ENTHD1: variants seen among roughly 807,000 people sequenced by gnomAD.
ENTHD1 encodes the protein ENTH domain containing 1.
A neutral mutation model predicts 39.1 loss-of-function variants in ENTHD1; 23 were observed. The ratio of observed to expected loss-of-function variants is 0.59; its 90% CI spans 0.42 to 0.83. The LOEUF (loss-of-function observed/expected upper bound fraction) is 0.83. Among genes scored for constraint, ENTHD1 ranks in the 40% least tolerant of loss-of-function variants. The probability of loss-of-function intolerance (pLI) is 0.00; values close to 1 mark genes in which losing one functional copy is unlikely to be tolerated. For missense variants in ENTHD1, 624 were observed against 705.4 expected (o/e 0.88, Z 1.31); for synonymous variants, 230 against 258.2 (o/e 0.89, Z 1.05).
chr22:39,767,908 C>A (rs919629950), intron 5 of ENTHD1, among the ~76,000 whole-genome samples: 1 of 152,142 alleles, frequency 6.6e-6, no homozygotes, highest in South Asian at 2.1e-4. Context: ...CTACCCACCC[C>A]CTTTCCCAAT....
At chr22:39,805,514 C>T (rs888806667) in intron 5 of ENTHD1, among the ~76,000 whole-genome samples, 15 of 152,244 alleles carry the variant, frequency 9.9e-5, no homozygotes, top group East Asian at 5.8e-4. Context: ...GTGCTGCTAA[C>T]GTATCAATTA....
chr22:39,807,911 GTGTA>G (rs1285953099), intron 5 of ENTHD1, among the ~76,000 whole-genome samples: 1 of 151,468 alleles, frequency 6.6e-6, no homozygotes, highest in Non-Finnish European at 1.5e-5. Flanking sequence ...GTGTGTGTGT[GTGTA>G]TATATATACT....
rs143867722 is a variant in ENTHD1, at chr22:39,758,894, A to G, written c.1219+6329T>C. ...TTATCATTTCCATCTGATTCTGTTAATATGGTAGATTACAGTTACAGATTT... is the reference window on the plus strand; with the variant it reads ...TTATCATTTCCATCTGATTCTGTTAGTATGGTAGATTACAGTTACAGATTT... On this transcript the variant is annotated intron_variant, in intron 6 of 6. Transcript: ENST00000325157. 1.2e-3 allele frequency among the ~76,000 whole-genome samples: 186 copies of G among 152,346 alleles called. 1 individual carries two copies. The highest frequency in any genetic ancestry group is 4.0e-3 in the African/African-American group (167 of 41,576).
chr22:39,743,590 G>A lies in ENTHD1; in HGVS notation c.*89C>T. 7.3e-7 allele frequency: 1 copy of A among 1,376,010 alleles called. No individual in the cohort carries two copies. Among genetic ancestry groups the A allele is most frequent in the Non-Finnish European group, 9.5e-7 (1 of 1,050,594 alleles). The allele number at this position is 1,376,010 out of a possible 1,614,324, so 85.2% of individuals were successfully genotyped here. On this transcript the variant is annotated 3_prime_UTR_variant, in exon 7 of 7. Coordinates refer to ENST00000325157, the MANE Select transcript of ENTHD1 (RefSeq NM_152512.4). ...GAAAAATTAAACCATCCCCTTTTTTGCCATAATAATATGAATTTATACAAT... is the reference window on the plus strand; with the variant it reads ...GAAAAATTAAACCATCCCCTTTTTTACCATAATAATATGAATTTATACAAT...
intron 5 of ENTHD1, among the ~76,000 whole-genome samples, chr22:39,773,423 C>T (rs1020858948): frequency 1.3e-5 from 2 of 152,074 alleles, no homozygotes; most frequent in Non-Finnish European, 2.9e-5. Context: ...AAGCCCAAAG[C>T]CTTCTATTAG....
At position 39,875,492 on chromosome 22, in the gene ENTHD1, G is replaced by A. The variant is rs77376079; in HGVS notation, c.349+11908C>T. 1,648 of 1,584,478 alleles carry A rather than the reference G, an allele frequency of 1.0e-3. 39 individuals are homozygous for A. The East Asian group carries it at 0.027, about 26-fold the overall frequency. On this transcript the variant is annotated intron_variant, in intron 2 of 6. Coordinates refer to ENST00000325157, the MANE Select transcript of ENTHD1 (RefSeq NM_152512.4). ...CGTGCGCCGGCCTTTGGTCGCCTCC[G>A]TGGGCCTCAATGTCCCTGCTTCTGT... is the stretch of plus-strand genomic sequence containing the variant.
At chr22:39,802,866 G>T (rs745952416) in intron 5 of ENTHD1, among the ~76,000 whole-genome samples, 3 of 152,166 alleles carry the variant, frequency 2.0e-5, no homozygotes, top group Non-Finnish European at 2.9e-5. Flanking sequence ...CTGACAATCA[G>T]TCATGAGGAA....
chr22:39,815,621 G>A (rs1461824476), intron 5 of ENTHD1, among the ~76,000 whole-genome samples: 2 of 152,124 alleles, frequency 1.3e-5, no homozygotes, highest in Non-Finnish European at 2.9e-5. Context: ...CGGCAATTTC[G>A]CTTCCAAATA....
At chr22:39,843,559 A>G (rs941822793) in intron 3 of ENTHD1, among the ~76,000 whole-genome samples, 6 of 151,786 alleles carry the variant, frequency 4.0e-5, no homozygotes, top group East Asian at 1.9e-4. Flanking sequence ...ATGTATACAT[A>G]TGTAACTAAC....
At chr22:39,805,819 G>T (rs557230926) in intron 5 of ENTHD1, among the ~76,000 whole-genome samples, 4 of 151,396 alleles carry the variant, frequency 2.6e-5, no homozygotes, top group East Asian at 3.9e-4. Flanking sequence ...GTTTTTTTTT[G>T]AATTACAGAC....
chr22:39,828,350 C>G (rs763652593), intron 4 of ENTHD1, among the ~76,000 whole-genome samples: 6 of 152,012 alleles, frequency 3.9e-5, no homozygotes, highest in Non-Finnish European at 7.4e-5. Flanking sequence ...TAAAAAAAAC[C>G]TTTTAAGCAT....
At chr22:39,859,168 T>C (rs2066119457) in intron 3 of ENTHD1, among the ~76,000 whole-genome samples, 2 of 152,250 alleles carry the variant, frequency 1.3e-5, no homozygotes, top group South Asian at 4.1e-4. Flanking sequence ...TCTCAGTCTT[T>C]GCAGAATTAA....
intron 5 of ENTHD1, among the ~76,000 whole-genome samples, chr22:39,777,557 A>G (rs2065375081): frequency 6.6e-6 from 1 of 152,202 alleles, no homozygotes; most frequent in Non-Finnish European, 1.5e-5. Context: ...CCACTTCAAT[A>G]TAAACTTGAA....
chr22:39,773,406 G>A (rs2065343107), intron 5 of ENTHD1, among the ~76,000 whole-genome samples: 1 of 152,112 alleles, frequency 6.6e-6, no homozygotes, highest in Non-Finnish European at 1.5e-5. Flanking sequence ...GTCTCAATAA[G>A]CTTTAAAAGC....
At chr22:39,841,910 G>C (rs2065947013) in intron 3 of ENTHD1, among the ~76,000 whole-genome samples, 1 of 151,418 alleles carries the variant, frequency 6.6e-6, no homozygotes, top group African/African-American at 2.4e-5. Flanking sequence ...CTTCCTTCAG[G>C]AGCTCTTTTA....
At chr22:39,804,953 C>G (rs1246306972) in intron 5 of ENTHD1, among the ~76,000 whole-genome samples, 1 of 151,722 alleles carries the variant, frequency 6.6e-6, no homozygotes, top group East Asian at 1.9e-4. Flanking sequence ...GGATAGAGAT[C>G]TGCAGCAAGA....
chr22:39,811,590 C>T (rs2065686382), intron 5 of ENTHD1, among the ~76,000 whole-genome samples: 2 of 152,228 alleles, frequency 1.3e-5, no homozygotes, highest in Admixed American at 1.3e-4. Context: ...GACCACAGGA[C>T]ACCAAGTGAC....
intron 3 of ENTHD1, among the ~76,000 whole-genome samples, chr22:39,838,977 G>A (rs902744793): frequency 2.0e-5 from 3 of 151,598 alleles, no homozygotes; most frequent in Non-Finnish European, 2.9e-5. Context: ...CAATCACAAT[G>A]GTATTTAGAT....
intron 5 of ENTHD1, among the ~76,000 whole-genome samples, chr22:39,803,677 T>C (rs371935783): frequency 6.6e-6 from 1 of 152,216 alleles, no homozygotes; most frequent in Non-Finnish European, 1.5e-5. Context: ...TTGATGCTTA[T>C]AGCAAGTTGA....
Sources: allele counts gnomAD v4.1 joint callset (sites outside exome capture counted in the v4.1 genomes callset), GRCh38; gene constraint gnomAD v4.1.1; transcripts MANE v1.5; gene names NCBI Gene and HGNC (gene_info 2026-07-23, HGNC 2026-07-21).